Variants in TNFSF15 observed in about 807,000 individuals in gnomAD.
TNFSF15 encodes the protein tumor necrosis factor ligand superfamily member 15.
In TNFSF15, 15 loss-of-function variants were observed where a neutral mutation model predicts 26.4. That is an observed-to-expected ratio of 0.57 (90% CI 0.38 to 0.87). The LOEUF (loss-of-function observed/expected upper bound fraction) is 0.87, where lower values mean the gene tolerates loss of function less well. Among genes scored for constraint, TNFSF15 ranks in the 40% least tolerant of loss-of-function variants. The pLI is 0.00. For missense variants in TNFSF15, 290 were observed against 306.1 expected, an observed-to-expected ratio of 0.95 and a Z score of 0.39; for synonymous variants, 116 against 115.0, an observed-to-expected ratio of 1.01 and a Z score of -0.06.
chr9:114,792,230 C>CGT (rs1829612886), intron 3 of TNFSF15, 177 bp downstream of exon 3: 1 of 66,036 alleles, frequency 1.5e-5, no homozygotes, highest in Admixed American at 2.7e-4. Flanking sequence ...TGTGTACACA[C>CGT]ACACACACAC....
rs372685008 is a variant in TNFSF15 at position 114,790,883 on chromosome 9, G to A, written c.325C>T (p.His109Tyr). ...LTVVRQTPTQHFKNQFPALHW... is the reference protein window; with the variant it reads ...LTVVRQTPTQYFKNQFPALHW... ...AGAGCTGGGAACTGATTTTTAAAGT[G>A]CTGTGTGGGAGTTTGTCTCACAACT... Residue 109 changes from histidine to tyrosine, a missense_variant, in exon 4 of 4, where the codon CAC becomes TAC. His to Tyr is a moderately conservative substitution (Grantham distance 83). Around this residue, in one of 3 missense-constraint regions of TNFSF15, gnomAD observed 179 missense variants for 165.9 expected, o/e 1.08. Coordinates refer to ENST00000374045, the MANE Select transcript of TNFSF15 (RefSeq NM_005118.4). 10 of 1,614,048 alleles carry A rather than the reference G, an allele frequency of 6.2e-6. No homozygotes were observed. The highest frequency in any genetic ancestry group is 1.3e-5 in the African/African-American group (1 of 74,912).
intron 1 of TNFSF15, among the ~76,000 whole-genome samples, chr9:114,798,759 C>G (rs933068771): frequency 3.3e-5 from 5 of 152,150 alleles, no homozygotes; most frequent in African/African-American, 9.7e-5. Flanking sequence ...GATGAACAAG[C>G]CTGAAGCAAG....
In TNFSF15 at chr9:114,801,183, G is replaced by T. The variant is rs149292691; in HGVS notation, c.210+4620C>A. Among the ~76,000 whole-genome samples, 684 of 152,326 alleles carry T rather than the reference G, an allele frequency of 4.5e-3. 25 individuals carry two copies. The highest frequency in any genetic ancestry group is 0.041 in the Admixed American group (622 of 15,296). ...TGGGCTTGGGCTGAGTCACCTTGGT[G>T]CATTCTGCTTTGCCTGCACAGACTT... On this transcript the variant is annotated intron_variant, in intron 1 of 3. Transcript: ENST00000374045.
At chr9:114,798,286 C>T (rs1009854026) in intron 1 of TNFSF15, among the ~76,000 whole-genome samples, 1 of 151,804 alleles carries the variant, frequency 6.6e-6, no homozygotes, top group African/African-American at 2.4e-5. Flanking sequence ...CATATGTTAG[C>T]CCTAGCAAAA....
intron 1 of TNFSF15, among the ~76,000 whole-genome samples, chr9:114,804,426 A>C (rs956520280): frequency 1.3e-5 from 2 of 152,114 alleles, no homozygotes; most frequent in Non-Finnish European, 2.9e-5. Flanking sequence ...TCTGCTGACC[A>C]AGGGCTCTCA....
At chr9:114,801,036 G>A (rs1829741173) in intron 1 of TNFSF15, among the ~76,000 whole-genome samples, 1 of 152,204 alleles carries the variant, frequency 6.6e-6, no homozygotes, top group African/African-American at 2.4e-5. Context: ...GGGAGAGTGT[G>A]CAGATGATCC....
rs146629583 is a variant in TNFSF15, at chr9:114,805,624, T to C, written c.210+179A>G. Among the ~76,000 whole-genome samples, 177 of 152,330 alleles carry C rather than the reference T, an allele frequency of 1.2e-3. 1 individual carries two copies. Among genetic ancestry groups the C allele is most frequent in the African/African-American group, 3.8e-3 (158 of 41,572 alleles). On this transcript the variant is annotated intron_variant, in intron 1 of 3. Coordinates refer to ENST00000374045, the MANE Select transcript of TNFSF15 (RefSeq NM_005118.4). Reference sequence around the variant, plus strand: ...AGGGACTGTTCATTCCCTAGAAATATTGAGAATAAACACCAAATTGAACCT... The same window carrying C: ...AGGGACTGTTCATTCCCTAGAAATACTGAGAATAAACACCAAATTGAACCT...
chr9:114,798,985 A>G (rs149181661), intron 1 of TNFSF15, among the ~76,000 whole-genome samples: 44 of 152,360 alleles, frequency 2.9e-4, no homozygotes, highest in Non-Finnish European at 3.8e-4. Context: ...TTCCAGGAGA[A>G]ATATGCAGAT....
At chr9:114,795,506 G>A (rs914605121) in intron 1 of TNFSF15, among the ~76,000 whole-genome samples, 1 of 152,198 alleles carries the variant, frequency 6.6e-6, no homozygotes, top group East Asian at 1.9e-4. Flanking sequence ...GGTATCATAA[G>A]CATTTACATG....
intron 1 of TNFSF15, among the ~76,000 whole-genome samples, chr9:114,805,371 A>G (rs894558444): frequency 6.6e-6 from 1 of 152,236 alleles, no homozygotes; most frequent in South Asian, 2.1e-4. Flanking sequence ...AATTCTGTAC[A>G]GAATTATATA....
rs757078623 is a variant in TNFSF15 at position 114,790,832 on chromosome 9, C to T, written c.376G>A (p.Ala126Thr). 1 of 1,614,024 alleles carries T rather than the reference C, an allele frequency of 6.2e-7. No homozygotes were observed. Among genetic ancestry groups the T allele is most frequent in the South Asian group, 1.1e-5 (1 of 91,050 alleles). The change falls in exon 4 of 4, where the codon GCC becomes ACC. Residue 126 changes from alanine to threonine, a missense_variant. This residue lies in a region of TNFSF15 where 179 missense variants were observed against 165.9 expected (regional missense o/e 1.08). Coordinates refer to ENST00000374045, the MANE Select transcript of TNFSF15 (RefSeq NM_005118.4). ...TAGTTCATTCGGTTCTTGGTGAAGGCCAGGCCTAGTTCATGTTCCCAGTGC... is the reference window on the plus strand; with the variant it reads ...TAGTTCATTCGGTTCTTGGTGAAGGTCAGGCCTAGTTCATGTTCCCAGTGC... ...ALHWEHELGL[A>T]FTKNRMNYTN...
Position 114,789,906 on chromosome 9 carries a change from CTG to C in TNFSF15, c.*544_*545del, listed in dbSNP as rs976854534. 3.3e-5 allele frequency: 5 copies of C among 152,812 alleles called. No homozygotes were observed. The highest frequency in any genetic ancestry group is 5.8e-5 in the Non-Finnish European group (4 of 68,414). 9.5% of individuals were successfully genotyped at this position (152,812 alleles called of 1,614,324 possible). On this transcript the variant is annotated 3_prime_UTR_variant, in exon 4 of 4. Transcript: ENST00000374045. The stretch of plus-strand genomic sequence containing the variant: ...TAGATGACATGAAAACCAACTCCTT[CTG>C]TGTGAACATTCATGAGACATACCAA...
intron 1 of TNFSF15, among the ~76,000 whole-genome samples, chr9:114,802,068 G>A (rs888257156): frequency 6.6e-6 from 1 of 152,050 alleles, no homozygotes; most frequent in African/African-American, 2.4e-5. Flanking sequence ...TAACTTGTGT[G>A]CAATGGGTTG....
At chr9:114,797,508 G>A (rs1427705064) in intron 1 of TNFSF15, among the ~76,000 whole-genome samples, 2 of 152,188 alleles carry the variant, frequency 1.3e-5, no homozygotes, top group Non-Finnish European at 2.9e-5. Context: ...ATTGTGATAG[G>A]AAGCAGTAAT....
Position 114,788,849 on chromosome 9 carries a change from C to T in TNFSF15, c.*1603G>A, listed in dbSNP as rs1829546254. 1 of 152,174 alleles carries T rather than the reference C, an allele frequency of 6.6e-6. No individual in the cohort carries two copies. Among genetic ancestry groups the T allele is most frequent in the South Asian group, 2.1e-4 (1 of 4,820 alleles). The allele number at this position is 152,174 out of a possible 1,614,324, so 9.4% of individuals were successfully genotyped here. On this transcript the variant is annotated 3_prime_UTR_variant, in exon 4 of 4. Transcript: ENST00000374045. ...GGAGAACAGAGCTGCCTCTCCTGCC[C>T]TTGACATATTAGCGTAGGAAAATCA...
chr9:114,791,596 C>A (rs1301780224), intron 3 of TNFSF15: 1 of 168,086 alleles, frequency 5.9e-6, no homozygotes, highest in Non-Finnish European at 1.5e-5. Flanking sequence ...TCCTTTTTAA[C>A]CTTCTAGGTT....
chr9:114,801,902 G>C lies in TNFSF15; in HGVS notation c.210+3901C>G, dbSNP rs533669851. 3.9e-5 allele frequency among the ~76,000 whole-genome samples: 6 copies of C among 152,286 alleles called. No homozygotes were observed. In the East Asian group the frequency reaches 1.2e-3, roughly 29 times the overall value. On this transcript the variant is annotated intron_variant, in intron 1 of 3. Coordinates refer to ENST00000374045, the MANE Select transcript of TNFSF15 (RefSeq NM_005118.4). ...CCTTCCCTTGCTGACAAGCCACCCA[G>C]TTTTCTACCAGGATGCTAGCAGAAT...
chr9:114,790,892 G>C lies in TNFSF15; in HGVS notation c.316C>G (p.Pro106Ala). The C allele has an allele frequency of 3.1e-6, 5 of 1,614,098 alleles. No homozygotes were observed. Among genetic ancestry groups the C allele is most frequent in the Non-Finnish European group, 4.2e-6 (5 of 1,180,004 alleles). The change falls in exon 4 of 4, where the codon CCC becomes GCC. Residue 106 changes from proline to alanine, a missense_variant. Pro to Ala is a conservative substitution (Grantham distance 27). Transcript: ENST00000374045. ...AACTGATTTTTAAAGTGCTGTGTGGGAGTTTGTCTCACAACTGGAAAGACA... is the reference window on the plus strand; with the variant it reads ...AACTGATTTTTAAAGTGCTGTGTGGCAGTTTGTCTCACAACTGGAAAGACA... The part of the protein sequence containing the change: ...RAHLTVVRQT[P>A]TQHFKNQFPA...
rs147121626 is a variant in TNFSF15, at chr9:114,790,413, G to A, written c.*39C>T. The A allele has an allele frequency of 1.5e-4, 233 of 1,519,132 alleles. No homozygotes were observed. In the African/African-American group the frequency reaches 3.0e-3, roughly 19 times the overall value. 94.1% of individuals were successfully genotyped at this position (1,519,132 alleles called of 1,614,324 possible). A position where few individuals can be genotyped will look rare whatever the true frequency, so the allele number is the denominator to read the frequency against. On this transcript the variant is annotated 3_prime_UTR_variant, in exon 4 of 4. Transcript: ENST00000374045. ...TTGAACAAAGAAAATTAGGAACTCGGTGGCAGAGGACTTTCATATAATGAT... is the reference window on the plus strand; with the variant it reads ...TTGAACAAAGAAAATTAGGAACTCGATGGCAGAGGACTTTCATATAATGAT...
Sources: allele counts gnomAD v4.1 joint callset (sites outside exome capture counted in the v4.1 genomes callset), GRCh38; gene constraint gnomAD v4.1.1; regional missense constraint gnomAD v4.1.1; transcripts MANE v1.5; gene names NCBI Gene and HGNC (gene_info 2026-07-23, HGNC 2026-07-21).